Variants in MXRA5 observed in about 807,000 individuals in gnomAD.
The protein encoded by MXRA5 is matrix-remodeling-associated protein 5.
In MXRA5, 41 loss-of-function variants were observed where a neutral mutation model predicts 112.5. That is an observed-to-expected ratio of 0.36 (90% CI 0.28 to 0.47). The LOEUF (loss-of-function observed/expected upper bound fraction) is 0.47. Ranked by LOEUF, MXRA5 falls within the 20% of genes least tolerant of loss-of-function variation. The probability of loss-of-function intolerance (pLI) is 0.99; values close to 1 mark genes in which losing one functional copy is unlikely to be tolerated. For synonymous variants in MXRA5, 862 were observed against 900.8 expected, an observed-to-expected ratio of 0.96 and a Z score of 0.77; for missense variants, 2,150 against 2,251.0, an observed-to-expected ratio of 0.96 and a Z score of 0.91.
rs746693712 is a variant in MXRA5, at chrX:3,328,047, T to A, written c.709+1971A>T. Among the ~76,000 whole-genome samples, 4 of 112,458 alleles carry A rather than the reference T, an allele frequency of 3.6e-5. No homozygotes were observed. The South Asian group carries it at 1.5e-3, about 42-fold the overall frequency. Reference sequence around the variant, plus strand: ...TAGTGTTGCTGCTACAAAATAGCCATCCAAATGCATTTTCAGGCCCCCTTA... The same window carrying A: ...TAGTGTTGCTGCTACAAAATAGCCAACCAAATGCATTTTCAGGCCCCCTTA... On this transcript the variant is annotated intron_variant, in intron 4 of 6. Coordinates refer to ENST00000217939, the MANE Select transcript of MXRA5 (RefSeq NM_015419.4).
intron 4 of MXRA5, among the ~76,000 whole-genome samples, chrX:3,328,022 T>C (rs926052463): frequency 8.9e-6 from 1 of 112,414 alleles, no homozygotes; most frequent in Non-Finnish European, 1.9e-5. Context: ...ATCCATAATA[T>C]AGTGTTGCTG....
In MXRA5 at chrX:3,317,111, C is replaced by A. The variant is rs375319194; in HGVS notation, c.6570G>T (p.Ala2190=). 3.7e-4 allele frequency: 431 copies of A among 1,161,498 alleles called. 1 individual carries two copies. Among genetic ancestry groups the A allele is most frequent in the Non-Finnish European group, 4.6e-4 (403 of 869,351 alleles). ...WRLPSKRMID[A]LFSFDSRIKV... ...CACGCAGAGCTGCCTACCTGAAGAG[C>A]GCGTCGATCATCCTCTTGGACGGCA... The change falls in exon 6 of 7, where the codon GCG becomes GCT. Residue 2190 remains alanine (A), a synonymous_variant. Coordinates refer to ENST00000217939, the MANE Select transcript of MXRA5 (RefSeq NM_015419.4).
chrX:3,324,179 G>T lies in MXRA5; in HGVS notation c.1506C>A (p.Asn502Lys). ...TAGATGGACTCTCAGAAGCTTTCAC[G>T]TTGCAGCTCAACTGGCATGGACCCC... Reference protein sequence around the residue: ...LEGGPCQLSCNVKASESPSIF... With the variant: ...LEGGPCQLSCKVKASESPSIF... The change falls in exon 5 of 7, where the codon AAC (asparagine) becomes AAA (lysine). Residue 502 changes from asparagine to lysine, a missense_variant. Physicochemically the swap from Asn to Lys is moderately conservative, Grantham distance 94. Around this residue, in one of 6 missense-constraint regions of MXRA5, gnomAD observed 386 missense variants for 411.0 expected, o/e 0.94. Coordinates refer to ENST00000217939, the MANE Select transcript of MXRA5 (RefSeq NM_015419.4). 4.1e-6 allele frequency: 5 copies of T among 1,211,450 alleles called. No individual in the cohort carries two copies. Among genetic ancestry groups the T allele is most frequent in the Non-Finnish European group, 5.6e-6 (5 of 895,488 alleles).
chrX:3,322,099 C>T lies in MXRA5; in HGVS notation c.3586G>A (p.Val1196Met), dbSNP rs867716055. The T allele has an allele frequency of 8.3e-7, 1 of 1,209,804 alleles. No homozygotes were observed. ...QAPDIKISSQ[V>M]ESSLVPTAWV... ...GCTGTAGGAACCAGAGAACTCTCCA[C>T]TTGACTTGAAATCTTAATGTCAGGT... Residue 1196 changes from valine to methionine, a missense_variant, in exon 5 of 7, where the codon GTG (valine) becomes ATG (methionine). Val to Met is a conservative substitution (Grantham distance 21). Transcript: ENST00000217939.
intron 2 of MXRA5, among the ~76,000 whole-genome samples, chrX:3,333,302 CAAAAAAAAAAAAAAAAAAAA>C (rs386416494): frequency 6.8e-5 from 1 of 14,812 alleles, no homozygotes; most frequent in Non-Finnish European, 1.0e-4. Flanking sequence ...TACCCCATAT[CAAAAAAAAAAAAAAAAAAAA>C]AAAAAAAAAA....
chrX:3,326,621 T>C (rs1921516782), intron 4 of MXRA5, among the ~76,000 whole-genome samples: 1 of 109,500 alleles, frequency 9.1e-6, no homozygotes, highest in South Asian at 3.9e-4. Context: ...TAGTAAACAC[T>C]TCACAGAGTG....
chrX:3,316,634 A>C (rs1375856148), intron 6 of MXRA5, among the ~76,000 whole-genome samples: 1 of 107,360 alleles, frequency 9.3e-6, no homozygotes, highest in South Asian at 4.5e-4. Context: ...GCACCACTGC[A>C]CTCCAGCCTG....
chrX:3,322,213 G>A lies in MXRA5; in HGVS notation c.3472C>T (p.Arg1158Cys), dbSNP rs183322867. ...TGCCGGTGGCGGAATTTGTTGGGGCGTAATCTCCTTCTCCCGTTGGGTCTC... is the reference window on the plus strand; with the variant it reads ...TGCCGGTGGCGGAATTTGTTGGGGCATAATCTCCTTCTCCCGTTGGGTCTC... ...RRRPNGRRRL[R>C]PNKFRHRHKQ... Residue 1158 changes from arginine (R) to cysteine (C), a missense_variant, in exon 5 of 7, where the codon CGC (arginine) becomes TGC (cysteine). Around this residue, in one of 6 missense-constraint regions of MXRA5, gnomAD observed 1,485 missense variants for 1,471.6 expected, o/e 1.01. Transcript: ENST00000217939. The A allele has an allele frequency of 4.9e-5, 58 of 1,189,138 alleles. 1 individual carries two copies. Among genetic ancestry groups the A allele is most frequent in the East Asian group, 2.4e-4 (8 of 33,512 alleles).
chrX:3,332,252 T>G (rs1921680471), intron 2 of MXRA5, among the ~76,000 whole-genome samples: 3 of 104,799 alleles, frequency 2.9e-5, no homozygotes, highest in African/African-American at 7.5e-5. Flanking sequence ...TTCTTCTTCT[T>G]TTTTTTTTTT....
At position 3,320,322 on chromosome X, in the gene MXRA5, G is replaced by C. The variant is rs1239835446; in HGVS notation, c.5363C>G (p.Pro1788Arg). ...CGTGGTCTGCGGAGTGTGCAACAAC[G>C]GAGGTGCCGGAGGGCCAAAGTCCAG... Reference protein sequence around the residue: ...FHLDFGPPAPPLLHTPQTTGS... With the variant: ...FHLDFGPPAPRLLHTPQTTGS... The change falls in exon 5 of 7, where the codon CCG becomes CGG. Residue 1788 changes from proline (P) to arginine (R), a missense_variant. Physicochemically the swap from Pro to Arg is moderately radical, Grantham distance 103. Coordinates refer to ENST00000217939, the MANE Select transcript of MXRA5 (RefSeq NM_015419.4). The C allele has an allele frequency of 3.3e-6, 4 of 1,211,865 alleles. No homozygotes were observed. The highest frequency in any genetic ancestry group is 4.5e-6 in the Non-Finnish European group (4 of 895,482).
intron 5 of MXRA5, 38 bp downstream of exon 5, chrX:3,319,970 G>T: frequency 1.0e-6 from 1 of 1,000,442 alleles, no homozygotes; most frequent in South Asian, 2.3e-5. Flanking sequence ...AATAAAAATT[G>T]ACCAAAAAAA....
rs146955381 is a variant in MXRA5 at position 3,321,700 on chromosome X, C to T, written c.3985G>A (p.Asp1329Asn). ...PTSDGKEIKD[D>N]VATNVDKHKS... Reference sequence around the variant, plus strand: ...TGTTTGTCAACATTTGTGGCAACATCATCCTTAATTTCTTTTCCATCTGAT... The same window carrying T: ...TGTTTGTCAACATTTGTGGCAACATTATCCTTAATTTCTTTTCCATCTGAT... Residue 1329 changes from aspartate to asparagine, a missense_variant, in exon 5 of 7, where the codon GAT (aspartate) becomes AAT (asparagine). By Grantham distance (23) the Asp-to-Asn change is conservative (BLOSUM62 1). Around this residue, in one of 6 missense-constraint regions of MXRA5, gnomAD observed 1,485 missense variants for 1,471.6 expected, o/e 1.01. Transcript: ENST00000217939. 20 of 1,209,132 alleles carry T rather than the reference C, an allele frequency of 1.7e-5. No individual in the cohort carries two copies. In the African/African-American group the frequency reaches 2.6e-4, roughly 16 times the overall value.
chrX:3,335,057 CTATAATGGGGACAT>C (rs1389376047), intron 2 of MXRA5, among the ~76,000 whole-genome samples: 1 of 111,845 alleles, frequency 8.9e-6, no homozygotes, highest in Admixed American at 9.5e-5. Context: ...CTCCTCTCCT[CTATAATGGGGACAT>C]TATTGTTGTT....
chrX:3,330,472 A>G, intron 3 of MXRA5, 64 bp from the exon 4 acceptor site: 1 of 1,132,923 alleles, frequency 8.8e-7, no homozygotes, highest in Non-Finnish European at 1.2e-6. Flanking sequence ...AAAAGCCACA[A>G]CCACAAACAG....
At position 3,324,997 on chromosome X, in the gene MXRA5, A is replaced by T. The variant is rs766842351; in HGVS notation, c.710-22T>A. Reference sequence around the variant, plus strand: ...ATTCCTAAAACAAATAAGCAAATAGACAATAGGGTAAGGAGCCAAAGAATG... The same window carrying T: ...ATTCCTAAAACAAATAAGCAAATAGTCAATAGGGTAAGGAGCCAAAGAATG... On this transcript the variant is annotated intron_variant, in intron 4 of 6. Transcript: ENST00000217939. 1.3e-5 allele frequency: 15 copies of T among 1,145,334 alleles called. No homozygotes were observed. The Admixed American group carries it at 2.0e-4, about 15-fold the overall frequency. The allele number at this position is 1,145,334 out of a possible 1,213,427, so 94.4% of individuals were successfully genotyped here.
At chrX:3,342,759 T>A (rs1433392313) in intron 2 of MXRA5, among the ~76,000 whole-genome samples, 1 of 112,506 alleles carries the variant, frequency 8.9e-6, no homozygotes, top group Non-Finnish European at 1.9e-5. Context: ...GAAATTTCCA[T>A]CTTATTATCT....
At chrX:3,326,312 T>C (rs1028620929) in intron 4 of MXRA5, among the ~76,000 whole-genome samples, 1 of 85,954 alleles carries the variant, frequency 1.2e-5, no homozygotes, top group African/African-American at 4.0e-5. Flanking sequence ...TAATATATAA[T>C]TTGTATATAA....
chrX:3,338,870 TAGAG>T (rs972405772), intron 2 of MXRA5, among the ~76,000 whole-genome samples: 15 of 109,187 alleles, frequency 1.4e-4, no homozygotes, highest in Non-Finnish European at 2.9e-4. Context: ...TATAGACAGG[TAGAG>T]AGATAGATTT....
At position 3,341,524 on chromosome X, in the gene MXRA5, TA is replaced by T. The variant is rs1163861239; in HGVS notation, c.188+2121del. ...TTATTATTATATATAATATATATAA[TA>T]TATATTATTATTATATATAATATAT... On this transcript the variant is annotated intron_variant, in intron 2 of 6. Transcript: ENST00000217939. 1.1e-3 allele frequency among the ~76,000 whole-genome samples: 33 copies of T among 29,176 alleles called. 6 individuals carry two copies. Among genetic ancestry groups the T allele is most frequent in the African/African-American group, 9.3e-3 (31 of 3,350 alleles). The allele number at this position is 29,176 out of a possible 115,157, so 25.3% of individuals were successfully genotyped here. A position where few individuals can be genotyped will look rare whatever the true frequency, so the allele number is the denominator to read the frequency against.
Sources: allele counts gnomAD v4.1 joint callset (sites outside exome capture counted in the v4.1 genomes callset), GRCh38; gene constraint gnomAD v4.1.1; regional missense constraint gnomAD v4.1.1; transcripts MANE v1.5; gene names NCBI Gene and HGNC (gene_info 2026-07-23, HGNC 2026-07-21).